Variants in PCDH11X observed in about 807,000 individuals in gnomAD.
PCDH11X encodes the protein protocadherin-11 X-linked.
Under a neutral mutation model 53.3 loss-of-function variants are expected in PCDH11X, and 18 were observed. The observed-to-expected ratio is 0.34, with a 90% CI of 0.23 to 0.50. The LOEUF (loss-of-function observed/expected upper bound fraction) is 0.50, where lower values mean the gene tolerates loss of function less well. Ranked by LOEUF, PCDH11X falls within the 20% of genes least tolerant of loss-of-function variation. The probability of loss-of-function intolerance (pLI) is 0.98; values close to 1 mark genes in which losing one functional copy is unlikely to be tolerated. For synonymous variants in PCDH11X, 279 were observed against 393.3 expected, an observed-to-expected ratio of 0.71 and a Z score of 3.44; for missense variants, 570 against 1,032.4, an observed-to-expected ratio of 0.55 and a Z score of 6.14.
intron 10 of PCDH11X, among the ~76,000 whole-genome samples, chrX:92,522,847 C>T (rs1181938796): frequency 9.0e-6 from 1 of 111,364 alleles, no homozygotes; most frequent in Non-Finnish European, 1.9e-5. Context: ...TATAAAGTGC[C>T]AAAACAAAAA....
intron 6 of PCDH11X, among the ~76,000 whole-genome samples, chrX:92,153,796 G>A (rs2065481177): frequency 9.1e-6 from 1 of 110,461 alleles, no homozygotes; most frequent in Non-Finnish European, 1.9e-5. Context: ...CTAATTCTAA[G>A]GAAACAACAG....
At chrX:92,276,370 G>A (rs1222463249) in intron 8 of PCDH11X, among the ~76,000 whole-genome samples, 3 of 109,046 alleles carry the variant, frequency 2.8e-5, no homozygotes, top group Non-Finnish European at 3.8e-5. Flanking sequence ...AGAGAGCCTT[G>A]GGCCAGAGTT....
At chrX:92,032,149 A>G (rs1250077264) in intron 6 of PCDH11X, among the ~76,000 whole-genome samples, 1 of 111,002 alleles carries the variant, frequency 9.0e-6, no homozygotes, top group Non-Finnish European at 1.9e-5. Flanking sequence ...TTTGTCCTCT[A>G]CAGTTTTTTC....
chrX:92,186,764 T>A (rs2066107041), intron 6 of PCDH11X, among the ~76,000 whole-genome samples: 1 of 110,953 alleles, frequency 9.0e-6, no homozygotes, highest in African/African-American at 3.3e-5. Context: ...CATAGCACTG[T>A]AGGGTGACTA....
At chrX:92,536,237 C>T (rs1037578063) in intron 10 of PCDH11X, among the ~76,000 whole-genome samples, 2 of 111,446 alleles carry the variant, frequency 1.8e-5, no homozygotes, top group African/African-American at 6.5e-5. Flanking sequence ...TGTTTTCCAG[C>T]TCTATCAGAT....
At chrX:92,013,309 G>A (rs1171434353) in intron 6 of PCDH11X, among the ~76,000 whole-genome samples, 1 of 111,409 alleles carries the variant, frequency 9.0e-6, no homozygotes, top group Non-Finnish European at 1.9e-5. Context: ...AAAATACCTA[G>A]GAATCCAACT....
intron 6 of PCDH11X, among the ~76,000 whole-genome samples, chrX:92,048,255 A>C (rs80141302): frequency 2.9e-5 from 3 of 103,162 alleles, no homozygotes; most frequent in Non-Finnish European, 5.8e-5. Context: ...AAAAAAAAAA[A>C]CCGACTTTCT....
intron 8 of PCDH11X, among the ~76,000 whole-genome samples, chrX:92,365,766 T>A (rs1257687205): frequency 9.0e-6 from 1 of 110,848 alleles, no homozygotes. Context: ...ATTGGTTCTG[T>A]TTATGTGATG....
intron 8 of PCDH11X, among the ~76,000 whole-genome samples, chrX:92,331,286 T>TTCC (rs2069465910): frequency 1.4e-5 from 1 of 73,150 alleles, no homozygotes; most frequent in East Asian, 1.1e-3. Flanking sequence ...CTCTTTCTTC[T>TTCC]TCTTCTTCTT....
intron 9 of PCDH11X, among the ~76,000 whole-genome samples, chrX:92,461,892 G>A (rs887723741): frequency 1.8e-5 from 2 of 112,027 alleles, no homozygotes; most frequent in African/African-American, 6.5e-5. Flanking sequence ...ATAGACAAGA[G>A]ATTGTAATAG....
chrX:92,130,385 G>A (rs1177340295), intron 6 of PCDH11X, among the ~76,000 whole-genome samples: 2 of 110,814 alleles, frequency 1.8e-5, no homozygotes, highest in Admixed American at 2.0e-4. Context: ...GGTGGCTCAT[G>A]CCTGTAATCA....
At chrX:92,261,734 AG>A (rs1270804016) in intron 7 of PCDH11X, among the ~76,000 whole-genome samples, 1 of 112,034 alleles carries the variant, frequency 8.9e-6, no homozygotes, top group African/African-American at 3.2e-5. Flanking sequence ...ATAGTCCTTG[AG>A]ATTATTTCTT....
chrX:91,816,716 A>T (rs1225319727), intron 4 of PCDH11X, among the ~76,000 whole-genome samples: 1 of 111,266 alleles, frequency 9.0e-6, no homozygotes, highest in Non-Finnish European at 1.9e-5. Flanking sequence ...GGCAATGTGG[A>T]CTGAGGGACA....
chrX:92,239,435 ATATTCATGGTAAATTTCATTTC>A (rs2067225756), intron 7 of PCDH11X, among the ~76,000 whole-genome samples: 1 of 111,744 alleles, frequency 8.9e-6, no homozygotes, highest in African/African-American at 3.2e-5. Flanking sequence ...ATGCTTTGTA[ATATTCATGGTAAATTTCATTTC>A]TATAAATTTT....
At chrX:92,399,192 C>CAAAAAAAAAAAAAAAAAAAA (rs376361040) in intron 9 of PCDH11X, among the ~76,000 whole-genome samples, 11 of 91,523 alleles carry the variant, frequency 1.2e-4, no homozygotes, top group African/African-American at 4.6e-4. Context: ...GACTCCGTGT[C>CAAAAAAAAAAAAAAAAAAAA]AAAAAAAAAA....
At chrX:91,811,682 C>G (rs1478590329) in intron 4 of PCDH11X, among the ~76,000 whole-genome samples, 1 of 106,791 alleles carries the variant, frequency 9.4e-6, no homozygotes, top group Non-Finnish European at 1.9e-5. Flanking sequence ...GTCTTTAGGA[C>G]CATGAGTTAT....
At chrX:91,787,489 T>C (rs1224238757) in intron 1 of PCDH11X, among the ~76,000 whole-genome samples, 1 of 110,432 alleles carries the variant, frequency 9.1e-6, no homozygotes, top group Non-Finnish European at 1.9e-5. Flanking sequence ...ATGATTTATG[T>C]TTTATTAGTG....
At chrX:92,368,072 A>G (rs1187132908) in intron 8 of PCDH11X, among the ~76,000 whole-genome samples, 1 of 101,775 alleles carries the variant, frequency 9.8e-6, no homozygotes, top group African/African-American at 3.6e-5. Context: ...CTCCTGGATA[A>G]TATCCTGAAG....
At chrX:92,013,891 A>T (rs1301672583) in intron 6 of PCDH11X, among the ~76,000 whole-genome samples, 4 of 112,014 alleles carry the variant, frequency 3.6e-5, no homozygotes, top group African/African-American at 9.7e-5. Flanking sequence ...TTCAAGATGG[A>T]TTAAAGACTT....
Sources: gnomAD v4.1 joint callset for allele counts (sites outside exome capture counted in the v4.1 genomes callset) on GRCh38, gnomAD v4.1.1 for gene constraint, MANE v1.5 for transcripts, NCBI Gene and HGNC (gene_info 2026-07-23, HGNC 2026-07-21) for gene names.